Variants in CFAP299 observed in about 807,000 individuals in gnomAD.
CFAP299 encodes cilia and flagella associated protein 299.
CFAP299 carries 21 observed loss-of-function variants against 27.0 expected under a neutral mutation model. That is an observed-to-expected ratio of 0.78 (90% confidence interval 0.55 to 1.12). The LOEUF is 1.12. CFAP299 is among the 50% of genes most tolerant of loss of function. The probability of loss-of-function intolerance (pLI) is 0.00; values close to 1 mark genes in which losing one functional copy is unlikely to be tolerated. For synonymous variants in CFAP299, 104 were observed against 98.1 expected (o/e 1.06, Z -0.36); for missense variants, 310 against 276.6 (o/e 1.12, Z -0.86).
intron 5 of CFAP299, among the ~76,000 whole-genome samples, chr4:80,947,037 T>G (rs1169078203): frequency 6.6e-6 from 1 of 152,194 alleles, no homozygotes; most frequent in Non-Finnish European, 1.5e-5. Context: ...TGAATTGTAG[T>G]TTTTACAGTC....
At chr4:80,642,459 C>A (rs540283740) in intron 3 of CFAP299, among the ~76,000 whole-genome samples, 1 of 152,164 alleles carries the variant, frequency 6.6e-6, no homozygotes, top group Non-Finnish European at 1.5e-5. Flanking sequence ...CCTACCTTGA[C>A]AATTTAGTTA....
chr4:80,485,112 C>T (rs1730743240), intron 2 of CFAP299, among the ~76,000 whole-genome samples: 1 of 151,926 alleles, frequency 6.6e-6, no homozygotes, highest in Non-Finnish European at 1.5e-5. Flanking sequence ...CATTTTTTCT[C>T]CTGATATGAT....
rs3037370 is a variant in CFAP299, at chr4:80,512,221, AGTGT to A, written c.243-70852_243-70849del. 2.6e-4 allele frequency among the ~76,000 whole-genome samples: 39 copies of A among 148,582 alleles called. No homozygotes were observed. In the East Asian group the frequency reaches 4.4e-3, roughly 17 times the overall value. On this transcript the variant is annotated intron_variant, in intron 2 of 5. Transcript: ENST00000358105. Reference sequence around the variant, plus strand: ...GTGATGGCAGGCACACATATTACATAGTGTGTGTGTGTGTGTGTGTGTGCATGTG... The same window carrying A: ...GTGATGGCAGGCACACATATTACATAGTGTGTGTGTGTGTGTGTGCATGTG...
intron 3 of CFAP299, among the ~76,000 whole-genome samples, chr4:80,862,969 CA>C (rs1487288163): frequency 1.3e-5 from 2 of 152,154 alleles, no homozygotes; most frequent in East Asian, 3.9e-4. Context: ...GCTACATTTG[CA>C]AAATCACTTA....
rs775151661 is a variant in CFAP299, at chr4:80,737,464, CTTG to C, written c.334-132522_334-132520del. 1.8e-4 allele frequency among the ~76,000 whole-genome samples: 27 copies of C among 152,118 alleles called. No individual in the cohort carries two copies. The East Asian group carries it at 3.7e-3, about 21-fold the overall frequency. On this transcript the variant is annotated intron_variant, in intron 3 of 5. Coordinates refer to ENST00000358105, the MANE Select transcript of CFAP299 (RefSeq NM_152770.3). ...ATTTTATTATGTTTTGATCTCGTTA[CTTG>C]TTGTTGGTCAGTTCAGGTTTTAGAT...
At position 80,862,048 on chromosome 4, in the gene CFAP299, T is replaced by C. The variant is rs1292581504; in HGVS notation, c.334-7945T>C. 2.6e-5 allele frequency among the ~76,000 whole-genome samples: 4 copies of C among 152,298 alleles called. No homozygotes were observed. In the South Asian group the frequency reaches 8.3e-4, roughly 32 times the overall value. On this transcript the variant is annotated intron_variant, in intron 3 of 5. Transcript: ENST00000358105. ...AATATTGAGACAAGATATTCTTAAATTATTCTTAATTTCACCGGCAATTCA... is the reference window on the plus strand; with the variant it reads ...AATATTGAGACAAGATATTCTTAAACTATTCTTAATTTCACCGGCAATTCA...
At chr4:80,944,409 T>A (rs1008137620) in intron 4 of CFAP299, among the ~76,000 whole-genome samples, 6 of 152,156 alleles carry the variant, frequency 3.9e-5, no homozygotes, top group African/African-American at 1.4e-4. Context: ...TGAATTTATT[T>A]GGAATTGTTT....
In CFAP299 at chr4:80,799,212, AT is replaced by A. The variant is rs543443739; in HGVS notation, c.334-70779del. On this transcript the variant is annotated intron_variant, in intron 3 of 5. Transcript: ENST00000358105. ...ATATTTATATAATATTTATATATAT[AT>A]TGTATAAATATATTTATATAATATT... Among the ~76,000 whole-genome samples, 693 of 111,914 alleles carry A rather than the reference AT, an allele frequency of 6.2e-3. 46 individuals carry two copies. Among genetic ancestry groups the A allele is most frequent in the African/African-American group, 0.022 (613 of 27,324 alleles). 73.4% of individuals were successfully genotyped at this position (111,914 alleles called of 152,430 possible). A position where few individuals can be genotyped will look rare whatever the true frequency, so the allele number is the denominator to read the frequency against.
intron 3 of CFAP299, among the ~76,000 whole-genome samples, chr4:80,616,127 C>T (rs1490278241): frequency 6.6e-6 from 1 of 152,090 alleles, no homozygotes; most frequent in Non-Finnish European, 1.5e-5. Context: ...CAGGCTGTTT[C>T]CATGTAAGTT....
intron 2 of CFAP299, among the ~76,000 whole-genome samples, chr4:80,458,720 A>T (rs1729292369): frequency 6.6e-6 from 1 of 152,194 alleles, no homozygotes; most frequent in African/African-American, 2.4e-5. Flanking sequence ...CAGAAGATGC[A>T]GCCTTCCCCT....
intron 2 of CFAP299, among the ~76,000 whole-genome samples, chr4:80,467,470 C>T (rs1417137025): frequency 6.6e-6 from 1 of 152,186 alleles, no homozygotes; most frequent in African/African-American, 2.4e-5. Flanking sequence ...ACATTCCCCA[C>T]TCTACCTTTA....
intron 3 of CFAP299, among the ~76,000 whole-genome samples, chr4:80,767,711 G>C (rs535202033): frequency 6.6e-6 from 1 of 152,336 alleles, no homozygotes; most frequent in African/African-American, 2.4e-5. Context: ...GGAAATCACA[G>C]ATAGTGGGAG....
chr4:80,864,489 CACATATATAT>C (rs1211613464), intron 3 of CFAP299, among the ~76,000 whole-genome samples: 19 of 145,310 alleles, frequency 1.3e-4, no homozygotes, highest in African/African-American at 4.3e-4. Flanking sequence ...TACATATATA[CACATATATAT>C]ACATATATAC....
Position 80,390,825 on chromosome 4 carries a change from A to G in CFAP299, c.242+27941A>G, listed in dbSNP as rs1010557352. Among the ~76,000 whole-genome samples the G allele has an allele frequency of 1.5e-4, 22 of 145,660 alleles. 1 individual carries two copies. The highest frequency in any genetic ancestry group is 1.2e-3 in the Admixed American group (17 of 14,288). On this transcript the variant is annotated intron_variant, in intron 2 of 5. Coordinates refer to ENST00000358105, the MANE Select transcript of CFAP299 (RefSeq NM_152770.3). ...TATATATGTATACACACATATATGTATATGTATATATGTATATACACATAT... is the reference window on the plus strand; with the variant it reads ...TATATATGTATACACACATATATGTGTATGTATATATGTATATACACATAT...
At chr4:80,629,967 A>G (rs1381561590) in intron 3 of CFAP299, among the ~76,000 whole-genome samples, 1 of 152,032 alleles carries the variant, frequency 6.6e-6, no homozygotes, top group East Asian at 1.9e-4. Flanking sequence ...GAATACAGCT[A>G]TTTTCATTGA....
At chr4:80,720,082 A>C (rs1450362136) in intron 3 of CFAP299, among the ~76,000 whole-genome samples, 1 of 152,144 alleles carries the variant, frequency 6.6e-6, no homozygotes, top group Non-Finnish European at 1.5e-5. Flanking sequence ...AGTCTCCTTG[A>C]GTTGAGGTGG....
In CFAP299 at chr4:80,556,134, C is replaced by G. The variant is rs192734471; in HGVS notation, c.243-26959C>G. On this transcript the variant is annotated intron_variant, in intron 2 of 5. Coordinates refer to ENST00000358105, the MANE Select transcript of CFAP299 (RefSeq NM_152770.3). Reference sequence around the variant, plus strand: ...CCTATTCTACTTCATATTGGGTTAGCAATCTTTATGAACACATAAGCCTTT... The same window carrying G: ...CCTATTCTACTTCATATTGGGTTAGGAATCTTTATGAACACATAAGCCTTT... Among the ~76,000 whole-genome samples the G allele has an allele frequency of 1.3e-4, 20 of 152,132 alleles. No individual in the cohort carries two copies. The East Asian group carries it at 3.9e-3, about 29-fold the overall frequency.
chr4:80,436,186 TC>T, intron 2 of CFAP299, among the ~76,000 whole-genome samples: 1 of 152,220 alleles, frequency 6.6e-6, no homozygotes, highest in East Asian at 1.9e-4. Flanking sequence ...AGTTAGGATT[TC>T]CAAAAATATG....
intron 3 of CFAP299, among the ~76,000 whole-genome samples, chr4:80,767,571 T>C (rs1409566645): frequency 6.6e-6 from 1 of 152,104 alleles, no homozygotes; most frequent in African/African-American, 2.4e-5. Context: ...ATCGCCCCAC[T>C]GCACTCCAGC....
Sources: gnomAD v4.1 joint callset for allele counts (sites outside exome capture counted in the v4.1 genomes callset) on GRCh38, gnomAD v4.1.1 for gene constraint, MANE v1.5 for transcripts, NCBI Gene and HGNC (gene_info 2026-07-23, HGNC 2026-07-21) for gene names.